GLIS3: variants seen among roughly 807,000 people sequenced by gnomAD.
GLIS3 encodes the protein zinc finger protein GLIS3.
In GLIS3, 53 loss-of-function variants were observed where a neutral mutation model predicts 78.6. The ratio of observed to expected loss-of-function variants is 0.67; its 90% CI spans 0.54 to 0.85. The LOEUF is 0.85. GLIS3 is among the 40% of genes least tolerant of loss of function. The pLI is 0.00. For synonymous variants in GLIS3, 684 were observed against 509.9 expected (o/e 1.34, Z -4.60); for missense variants, 1,703 against 1,231.1 (o/e 1.38, Z -5.74).
At chr9:4,368,568 G>GTC in the GLIS3 span, among the ~76,000 whole-genome samples, 4 of 152,138 alleles carry the variant, frequency 2.6e-5, no homozygotes, top group African/African-American at 9.7e-5. Flanking sequence ...AGCCAGGATG[G>GTC]TCTCCATCTC....
the GLIS3 span, among the ~76,000 whole-genome samples, chr9:4,360,363 C>T: frequency 1.3e-5 from 2 of 152,158 alleles, no homozygotes; most frequent in African/African-American, 4.8e-5. Context: ...ACCCTCCCAG[C>T]CAAAGTCCAC....
At chr9:4,261,244 A>AG (rs1825498362) in intron 2 of GLIS3, among the ~76,000 whole-genome samples, 1 of 152,216 alleles carries the variant, frequency 6.6e-6, no homozygotes. Flanking sequence ...ACTCAGGTGC[A>AG]GAATAAACGC....
At chr9:4,443,127 A>G in the GLIS3 span, among the ~76,000 whole-genome samples, 1 of 152,136 alleles carries the variant, frequency 6.6e-6, no homozygotes, top group African/African-American at 2.4e-5. Flanking sequence ...TTCCGGTACT[A>G]GCTTCAAGTA....
At chr9:3,878,367 G>C (rs1012676645) in intron 8 of GLIS3, among the ~76,000 whole-genome samples, 1 of 152,168 alleles carries the variant, frequency 6.6e-6, no homozygotes, top group African/African-American at 2.4e-5. Context: ...ATCCAACACA[G>C]TGTCTGACAC....
the GLIS3 span, among the ~76,000 whole-genome samples, chr9:4,472,999 G>A: frequency 1.3e-5 from 2 of 152,034 alleles, no homozygotes; most frequent in Non-Finnish European, 2.9e-5. Flanking sequence ...TGAGTCTAAC[G>A]GTAGTTCTGT....
intron 4 of GLIS3, among the ~76,000 whole-genome samples, chr9:4,082,564 T>C (rs959088073): frequency 6.6e-6 from 1 of 152,198 alleles, no homozygotes; most frequent in African/African-American, 2.4e-5. Flanking sequence ...GCTTCTCATT[T>C]ATTACACGAA....
Position 4,340,175 on chromosome 9 carries a change from T to G in GLIS3, n.264+6906A>C, listed in dbSNP as rs190075532. Among the ~76,000 whole-genome samples, 16 of 152,078 alleles carry G rather than the reference T, an allele frequency of 1.1e-4. No homozygotes were observed. The East Asian group carries it at 2.7e-3, about 26-fold the overall frequency. ...CTCCATACTTTTAATATTTTCTTTC[T>G]TACATGGCCAACTTTTAATTACCAC... On this transcript the variant is annotated intron_variant and non_coding_transcript_variant, in intron 2 of 4. Transcript: ENST00000471664.
intron 2 of GLIS3, among the ~76,000 whole-genome samples, chr9:4,172,183 T>C (rs1207882620): frequency 2.6e-5 from 4 of 152,158 alleles, no homozygotes; most frequent in South Asian, 2.1e-4. Context: ...TGAATATGTA[T>C]TTCTTATTTA....
At chr9:4,324,426 T>G (rs536804778) in intron 2 of GLIS3, among the ~76,000 whole-genome samples, 1 of 152,314 alleles carries the variant, frequency 6.6e-6, no homozygotes, top group African/African-American at 2.4e-5. Context: ...ACATCTGCCC[T>G]AGACACCTCA....
chr9:3,866,936 TA>T (rs1820627258), intron 8 of GLIS3, among the ~76,000 whole-genome samples: 1 of 152,088 alleles, frequency 6.6e-6, no homozygotes, highest in Admixed American at 6.5e-5. Context: ...GCTATTTGCT[TA>T]AGATGGGAGG....
intron 7 of GLIS3, among the ~76,000 whole-genome samples, chr9:3,887,124 CT>C (rs1394756978): frequency 6.6e-6 from 1 of 152,022 alleles, no homozygotes; most frequent in Non-Finnish European, 1.5e-5. Flanking sequence ...TTCTGCCTGT[CT>C]TTTTTTTCCT....
At chr9:3,883,856 C>A (rs965192551) in intron 7 of GLIS3, among the ~76,000 whole-genome samples, 1 of 152,206 alleles carries the variant, frequency 6.6e-6, no homozygotes, top group Non-Finnish European at 1.5e-5. Context: ...AGATGGTAGT[C>A]TCCCTGAGGA....
At chr9:4,004,552 T>G (rs947327308) in intron 4 of GLIS3, among the ~76,000 whole-genome samples, 12 of 152,168 alleles carry the variant, frequency 7.9e-5, no homozygotes, top group Admixed American at 6.5e-4. Flanking sequence ...CAACTGGGAA[T>G]GTTGATCTAC....
chr9:4,114,812 G>A (rs1048272179), intron 4 of GLIS3, among the ~76,000 whole-genome samples: 1 of 58,764 alleles, frequency 1.7e-5, no homozygotes, highest in Non-Finnish European at 3.7e-5. Context: ...GAAGCAATAA[G>A]AAAGAGATCT....
the GLIS3 span, among the ~76,000 whole-genome samples, chr9:4,427,601 G>A: frequency 2.6e-5 from 4 of 152,188 alleles, no homozygotes; most frequent in Admixed American, 6.6e-5. Context: ...GCTCACACCT[G>A]TAATCCCAGC....
At chr9:3,863,613 C>T (rs1820377554) in intron 8 of GLIS3, among the ~76,000 whole-genome samples, 1 of 152,206 alleles carries the variant, frequency 6.6e-6, no homozygotes, top group African/African-American at 2.4e-5. Flanking sequence ...TGGCCTGAAC[C>T]TACACTGAGC....
intron 4 of GLIS3, among the ~76,000 whole-genome samples, chr9:4,041,948 G>C (rs879418969): frequency 6.3e-4 from 96 of 152,188 alleles, no homozygotes; most frequent in Non-Finnish European, 8.2e-4. Flanking sequence ...TGTAATTCTG[G>C]ACAAGTTTGA....
At chr9:4,099,420 C>G (rs964707123) in intron 4 of GLIS3, among the ~76,000 whole-genome samples, 1 of 151,788 alleles carries the variant, frequency 6.6e-6, no homozygotes, top group African/African-American at 2.4e-5. Context: ...GAGTTGCCCC[C>G]CCGAGCCTCT....
chr9:4,391,806 T>C, the GLIS3 span, among the ~76,000 whole-genome samples: 2 of 152,150 alleles, frequency 1.3e-5, no homozygotes, highest in Non-Finnish European at 2.9e-5. Flanking sequence ...TGGGGAGGAA[T>C]GTAAATTAGT....
Sources: allele counts gnomAD v4.1 joint callset (sites outside exome capture counted in the v4.1 genomes callset), GRCh38; gene constraint gnomAD v4.1.1; transcripts MANE v1.5; gene names NCBI Gene and HGNC (gene_info 2026-07-23, HGNC 2026-07-21).